Variants in ACACB observed in about 807,000 individuals in gnomAD.
ACACB encodes acetyl-CoA carboxylase 2.
Under a neutral mutation model 278.8 loss-of-function variants are expected in ACACB, and 209 were observed. The ratio of observed to expected loss-of-function variants is 0.75; its 90% confidence interval spans 0.67 to 0.84. The LOEUF is 0.84. Among genes scored for constraint, ACACB ranks in the 40% least tolerant of loss-of-function variants. The pLI is 0.00. For missense variants in ACACB, 2,850 were observed against 3,269.0 expected (o/e 0.87, Z 3.13); for synonymous variants, 1,174 against 1,285.6 (o/e 0.91, Z 1.86).
At chr12:109,156,565 G>A (rs953300198) in intron 2 of ACACB, among the ~76,000 whole-genome samples, 1 of 149,178 alleles carries the variant, frequency 6.7e-6, no homozygotes, top group Non-Finnish European at 1.5e-5. Flanking sequence ...ATAAGTAGCG[G>A]ATATTCAGGC....
intron 39 of ACACB, 98 bp from the exon 40 acceptor site, chr12:109,247,508 T>C: frequency 1.3e-6 from 1 of 797,646 alleles, no homozygotes; most frequent in South Asian, 1.5e-5. Context: ...TAACATGTTA[T>C]TAACATCCAT....
chr12:109,138,445 C>T (rs902108391), intron 1 of ACACB, among the ~76,000 whole-genome samples: 2 of 152,040 alleles, frequency 1.3e-5, no homozygotes, highest in African/African-American at 2.4e-5. Context: ...GGGATGATGG[C>T]GCCCTTCCTC....
At chr12:109,127,032 T>C (rs2042698008) in intron 1 of ACACB, among the ~76,000 whole-genome samples, 1 of 152,212 alleles carries the variant, frequency 6.6e-6, no homozygotes, top group Non-Finnish European at 1.5e-5. Flanking sequence ...CTGGCTGGGA[T>C]TCCCTGAAGA....
intron 2 of ACACB, among the ~76,000 whole-genome samples, chr12:109,159,189 G>A (rs1175877993): frequency 6.6e-6 from 1 of 152,198 alleles, no homozygotes; most frequent in Admixed American, 6.5e-5. Context: ...GCGTGGTTTT[G>A]TGCTGTTTGA....
At chr12:109,123,418 G>A (rs748091288) in intron 1 of ACACB, among the ~76,000 whole-genome samples, 5 of 151,780 alleles carry the variant, frequency 3.3e-5, no homozygotes, top group Non-Finnish European at 4.4e-5. Flanking sequence ...TAGGCCGAGC[G>A]TGGTGGCTCA....
chr12:109,123,469 A>G (rs1049526414), intron 1 of ACACB, among the ~76,000 whole-genome samples: 14 of 151,902 alleles, frequency 9.2e-5, no homozygotes, highest in Non-Finnish European at 1.9e-4. Flanking sequence ...AGGCGGGCAG[A>G]TCACTTGAGG....
chr12:109,210,107 A>G (rs1384165570), intron 21 of ACACB, among the ~76,000 whole-genome samples: 3 of 103,284 alleles, frequency 2.9e-5, no homozygotes, highest in African/African-American at 1.3e-4. Flanking sequence ...GTGTGTGTAT[A>G]TGTATATATA....
At chr12:109,238,395 T>C (rs1385652511) in intron 34 of ACACB, among the ~76,000 whole-genome samples, 1 of 141,876 alleles carries the variant, frequency 7.0e-6, no homozygotes, top group African/African-American at 2.6e-5. Flanking sequence ...TATATATTAT[T>C]ATATATATAA....
chr12:109,226,297 C>T (rs2046309535), intron 27 of ACACB, among the ~76,000 whole-genome samples: 1 of 152,042 alleles, frequency 6.6e-6, no homozygotes, highest in East Asian at 1.9e-4. Context: ...AATAAAGTTA[C>T]ATACACAGCT....
rs140415239 is a variant in ACACB, at chr12:109,231,697, G to A, written c.4002-972G>A. Among the ~76,000 whole-genome samples the A allele has an allele frequency of 3.9e-3, 588 of 152,290 alleles. 5 individuals are homozygous for A. The highest frequency in any genetic ancestry group is 6.6e-3 in the Non-Finnish European group (446 of 68,020). On this transcript the variant is annotated intron_variant, in intron 28 of 52. Coordinates refer to ENST00000338432, the MANE Select transcript of ACACB (RefSeq NM_001093.4). ...ACAAAGCAGTTAGCCAAGGCAGAAG[G>A]CATCAGGGTGAAGTCCAGAGGAAAG...
chr12:109,146,567 CAACCCCTG>C (rs1565862113), intron 2 of ACACB, among the ~76,000 whole-genome samples: 1 of 152,204 alleles, frequency 6.6e-6, no homozygotes, highest in Non-Finnish European at 1.5e-5. Flanking sequence ...CTCTTTCTCC[CAACCCCTG>C]AACCCAGACC....
At chr12:109,133,335 A>G (rs1362395408) in intron 1 of ACACB, among the ~76,000 whole-genome samples, 1 of 151,608 alleles carries the variant, frequency 6.6e-6, no homozygotes, top group African/African-American at 2.4e-5. Flanking sequence ...AGCTCAAGCA[A>G]TTCTCCTGCC....
At chr12:109,223,766 A>C (rs1383379623) in intron 26 of ACACB, 49 bp from the exon 27 acceptor site, 5 of 1,540,762 alleles carry the variant, frequency 3.2e-6, no homozygotes, top group Non-Finnish European at 4.5e-6. Flanking sequence ...AAAAACCTGA[A>C]ACTTGTTCAC....
chr12:109,201,429 G>A, intron 18 of ACACB, 138 bp from the exon 19 acceptor site: 3 of 1,030,118 alleles, frequency 2.9e-6, no homozygotes, highest in Non-Finnish European at 4.3e-6. Flanking sequence ...CCTTCTGCCT[G>A]AACACTACCC....
At chr12:109,259,914 G>A (rs1426013518) in intron 47 of ACACB, 1 of 461,206 alleles carries the variant, frequency 2.2e-6, no homozygotes, top group Non-Finnish European at 4.0e-6. Context: ...TTAACTGGGT[G>A]ACATCACTGA....
In ACACB at chr12:109,171,714, C is replaced by A. The variant is rs150338550; in HGVS notation, c.926-91C>A. 3,827 of 965,438 alleles carry A rather than the reference C, an allele frequency of 4.0e-3. 85 individuals carry two copies. The East Asian group carries it at 0.042, about 11-fold the overall frequency. 59.8% of individuals were successfully genotyped at this position (965,438 alleles called of 1,614,324 possible). A position where few individuals can be genotyped will look rare whatever the true frequency, so the allele number is the denominator to read the frequency against. On this transcript the variant is annotated intron_variant, in intron 4 of 52. Transcript: ENST00000338432. Reference sequence around the variant, plus strand: ...ATAGAAATCTGCATGGTTCTGCTTTCCATGGCTGTACATAGTCACATCTTG... The same window carrying A: ...ATAGAAATCTGCATGGTTCTGCTTTACATGGCTGTACATAGTCACATCTTG...
chr12:109,259,290 C>T (rs574081328), intron 47 of ACACB, among the ~76,000 whole-genome samples, 182 bp downstream of exon 47: 17 of 152,176 alleles, frequency 1.1e-4, no homozygotes, highest in Middle Eastern at 6.8e-3. Context: ...AGATGAGGAA[C>T]TGCTGGGCAC....
chr12:109,223,377 C>T (rs55701148), intron 26 of ACACB, among the ~76,000 whole-genome samples: 31 of 152,250 alleles, frequency 2.0e-4, no homozygotes, highest in South Asian at 2.1e-4. Flanking sequence ...GAGCCCAGCG[C>T]GCTGCAGGGC....
Position 109,265,372 on chromosome 12 carries a change from C to T in ACACB, c.7114-17C>T, listed in dbSNP as rs768862412. Reference sequence around the variant, plus strand: ...CAGCTGGGTCCCTCTCTGAGGCATCCTCTGCCCCCTCCCCAGGCCTACTTG... The same window carrying T: ...CAGCTGGGTCCCTCTCTGAGGCATCTTCTGCCCCCTCCCCAGGCCTACTTG... On this transcript the variant is annotated splice_polypyrimidine_tract_variant and intron_variant, in intron 51 of 52. Coordinates refer to ENST00000338432, the MANE Select transcript of ACACB (RefSeq NM_001093.4). The T allele has an allele frequency of 3.1e-6, 5 of 1,613,368 alleles. No individual in the cohort carries two copies. The highest frequency in any genetic ancestry group is 4.2e-6 in the Non-Finnish European group (5 of 1,179,724).
Sources: gnomAD v4.1 joint callset for allele counts (sites outside exome capture counted in the v4.1 genomes callset) on GRCh38, gnomAD v4.1.1 for gene constraint, MANE v1.5 for transcripts, NCBI Gene and HGNC (gene_info 2026-07-23, HGNC 2026-07-21) for gene names.